Variants in DAB1 observed in about 807,000 individuals in gnomAD.
The protein encoded by DAB1 is DAB adaptor protein 1, also known as disabled homolog 1.
In DAB1, 15 loss-of-function variants were observed where a neutral mutation model predicts 64.6. The observed-to-expected ratio is 0.23, with a 90% confidence interval of 0.16 to 0.36. The LOEUF is 0.36. Ranked by LOEUF, DAB1 falls within the 10% of genes least tolerant of loss-of-function variation. The probability of loss-of-function intolerance (pLI) is 1.00; values close to 1 mark genes in which losing one functional copy is unlikely to be tolerated. For synonymous variants in DAB1, 235 were observed against 251.9 expected, an observed-to-expected ratio of 0.93 and a Z score of 0.64; for missense variants, 596 against 706.7, an observed-to-expected ratio of 0.84 and a Z score of 1.78.
chr1:58,407,050 G>T (rs925500139), intron 3 of DAB1, among the ~76,000 whole-genome samples: 1 of 152,072 alleles, frequency 6.6e-6, no homozygotes, highest in Non-Finnish European at 1.5e-5. Context: ...ATATATTTCT[G>T]GTCTTCAAAA....
chr1:57,029,083 G>A (rs1170880036), intron 9 of DAB1, among the ~76,000 whole-genome samples: 1 of 152,192 alleles, frequency 6.6e-6, no homozygotes, highest in Admixed American at 6.5e-5. Context: ...AGGCCCAGGA[G>A]GAAAAAGTGG....
chr1:57,601,501 G>A (rs551789106), intron 7 of DAB1, among the ~76,000 whole-genome samples: 1 of 152,324 alleles, frequency 6.6e-6, no homozygotes, highest in South Asian at 2.1e-4. Context: ...CTGGGAGGCA[G>A]AGGTTGCAGT....
At chr1:57,088,334 G>A (rs1293567432) in intron 4 of DAB1, among the ~76,000 whole-genome samples, 2 of 152,156 alleles carry the variant, frequency 1.3e-5, no homozygotes, top group Admixed American at 6.5e-5. Context: ...GCCTCCCAAA[G>A]TGTCGGGATT....
At chr1:57,356,795 G>A (rs1280471086) in intron 1 of DAB1, among the ~76,000 whole-genome samples, 2 of 151,948 alleles carry the variant, frequency 1.3e-5, no homozygotes, top group South Asian at 2.1e-4. Flanking sequence ...AGCTACCACA[G>A]CAACTTATAA....
At chr1:57,072,040 A>G (rs1651517023) in intron 5 of DAB1, among the ~76,000 whole-genome samples, 1 of 149,868 alleles carries the variant, frequency 6.7e-6, no homozygotes, top group African/African-American at 2.5e-5. Flanking sequence ...GAAAATAATT[A>G]GTCATTAGGA....
chr1:57,729,895 T>TA (rs1172802266), intron 6 of DAB1, among the ~76,000 whole-genome samples: 2 of 120,540 alleles, frequency 1.7e-5, no homozygotes, highest in African/African-American at 8.0e-5. Context: ...ACCCCATCTC[T>TA]AAAATAAAAT....
chr1:57,379,644 A>G (rs1681195533), intron 1 of DAB1, among the ~76,000 whole-genome samples: 1 of 152,194 alleles, frequency 6.6e-6, no homozygotes, highest in South Asian at 2.1e-4. Flanking sequence ...TGAGTGCCCC[A>G]GGGTAACAAA....
At chr1:57,461,642 C>T (rs2101180484) in intron 7 of DAB1, among the ~76,000 whole-genome samples, 1 of 152,300 alleles carries the variant, frequency 6.6e-6, no homozygotes, top group East Asian at 1.9e-4. Flanking sequence ...CAGGAATGCC[C>T]CCAACTGCTC....
intron 1 of DAB1, among the ~76,000 whole-genome samples, chr1:57,373,943 C>T (rs1257374937): frequency 1.3e-5 from 2 of 152,144 alleles, no homozygotes; most frequent in Non-Finnish European, 2.9e-5. Context: ...CAGACTCCTC[C>T]AGGAAGCATA....
chr1:57,089,089 T>A (rs1653380131), intron 4 of DAB1, among the ~76,000 whole-genome samples: 1 of 152,262 alleles, frequency 6.6e-6, no homozygotes, highest in Non-Finnish European at 1.5e-5. Context: ...ATAATGGGAA[T>A]AACTGTTTCC....
chr1:57,450,970 C>A (rs1057171013), intron 7 of DAB1, among the ~76,000 whole-genome samples: 1 of 152,184 alleles, frequency 6.6e-6, no homozygotes, highest in Non-Finnish European at 1.5e-5. Flanking sequence ...CTTAAAACGT[C>A]TTTCTTTTAT....
intron 1 of DAB1, among the ~76,000 whole-genome samples, chr1:57,309,791 C>A (rs1674516026): frequency 6.6e-6 from 1 of 152,192 alleles, no homozygotes. Context: ...AACAGACAGC[C>A]CTCCTGGCCC....
intron 2 of DAB1, among the ~76,000 whole-genome samples, chr1:57,233,991 C>T (rs1165698677): frequency 6.6e-6 from 1 of 152,082 alleles, no homozygotes; most frequent in African/African-American, 2.4e-5. Context: ...TAACTAACAA[C>T]CACTCCAAGG....
chr1:57,965,033 G>A (rs1645625643), intron 5 of DAB1, among the ~76,000 whole-genome samples: 1 of 152,188 alleles, frequency 6.6e-6, no homozygotes, highest in Non-Finnish European at 1.5e-5. Flanking sequence ...TCCAATGTAT[G>A]AAGAATGGAT....
In DAB1 at chr1:58,537,980, T is replaced by G. The variant is rs1420510989; in HGVS notation, n.32+8723A>C. ...GAAGAACCTGGGATGAGCGTATTAC[T>G]TCAACCAATAGTCAATACAGCTGTA... is the stretch of plus-strand genomic sequence containing the variant. On this transcript the variant is annotated intron_variant and non_coding_transcript_variant, in intron 1 of 20. Coordinates refer to the DAB1 transcript ENST00000485760. Among the ~76,000 whole-genome samples the G allele has an allele frequency of 2.6e-5, 4 of 152,184 alleles. No homozygotes were observed. In the East Asian group the frequency reaches 7.7e-4, roughly 29 times the overall value.
chr1:57,503,456 C>A (rs1446533290), intron 7 of DAB1, among the ~76,000 whole-genome samples: 2 of 152,168 alleles, frequency 1.3e-5, no homozygotes, highest in Non-Finnish European at 2.9e-5. Flanking sequence ...AGTCTTATTG[C>A]CTCATTTCAC....
intron 3 of DAB1, among the ~76,000 whole-genome samples, chr1:58,385,951 ACT>A (rs1644428892): frequency 1.3e-5 from 2 of 152,034 alleles, no homozygotes; most frequent in Admixed American, 1.3e-4. Context: ...CTGAGGAAAG[ACT>A]CTACGGAACA....
At chr1:57,360,952 C>G (rs1471401175) in intron 1 of DAB1, among the ~76,000 whole-genome samples, 1 of 151,942 alleles carries the variant, frequency 6.6e-6, no homozygotes, top group East Asian at 1.9e-4. Flanking sequence ...ATGTAAGGAC[C>G]CATAGGTAAA....
chr1:58,295,155 C>T (rs190152078), intron 4 of DAB1, among the ~76,000 whole-genome samples: 1 of 152,202 alleles, frequency 6.6e-6, no homozygotes, highest in East Asian at 1.9e-4. Flanking sequence ...TCCTGGTCTC[C>T]TCCTCCAAAA....
Sources: gnomAD v4.1 joint callset for allele counts (sites outside exome capture counted in the v4.1 genomes callset) on GRCh38, gnomAD v4.1.1 for gene constraint, MANE v1.5 for transcripts, NCBI Gene and HGNC (gene_info 2026-07-23, HGNC 2026-07-21) for gene names.